Variants in WWOX observed in about 807,000 individuals in gnomAD.
WWOX encodes the protein WW domain-containing oxidoreductase.
WWOX carries 69 observed loss-of-function variants against 46.2 expected under a neutral mutation model. The observed-to-expected ratio is 1.49, with a 90% CI of 1.23 to 1.82. The LOEUF (loss-of-function observed/expected upper bound fraction) is 1.82. Among genes scored for constraint, WWOX ranks in the 40% most tolerant of loss-of-function variants. The pLI is 0.00. For synonymous variants in WWOX, 359 were observed against 202.6 expected (o/e 1.77, Z -6.56); for missense variants, 919 against 542.6 (o/e 1.69, Z -6.89).
chr16:78,563,685 TAA>T (rs2044495105), intron 8 of WWOX, among the ~76,000 whole-genome samples: 3 of 152,290 alleles, frequency 2.0e-5, no homozygotes, highest in Admixed American at 6.5e-5. Context: ...TCTGATTCAT[TAA>T]TATCCCTTGT....
intron 8 of WWOX, among the ~76,000 whole-genome samples, chr16:78,681,126 G>A (rs544152318): frequency 1.3e-5 from 2 of 152,224 alleles, no homozygotes; most frequent in African/African-American, 2.4e-5. Flanking sequence ...GCGCATGCCT[G>A]TAGTCCCAGC....
intron 5 of WWOX, among the ~76,000 whole-genome samples, chr16:78,269,895 CAT>C (rs1229298141): frequency 6.9e-6 from 1 of 144,920 alleles, no homozygotes; most frequent in African/African-American, 2.6e-5. Flanking sequence ...TGTCAGGAAA[CAT>C]ATCTATACAT....
At chr16:78,141,013 G>C (rs187347174) in intron 4 of WWOX, among the ~76,000 whole-genome samples, 1 of 152,140 alleles carries the variant, frequency 6.6e-6, no homozygotes, top group Non-Finnish European at 1.5e-5. Flanking sequence ...TCCTGCCTAC[G>C]TGCAGCTTAC....
chr16:79,056,484 A>G (rs557649425), intron 8 of WWOX, among the ~76,000 whole-genome samples: 2 of 152,270 alleles, frequency 1.3e-5, no homozygotes, highest in Admixed American at 6.5e-5. Context: ...AAGGCATTAT[A>G]AGCTTATTCA....
chr16:78,896,420 A>G (rs1244493902), intron 8 of WWOX: 6 of 152,140 alleles, frequency 3.9e-5, no homozygotes, highest in South Asian at 4.1e-4. Context: ...CGTGTATTCT[A>G]CATCCGTTAG....
At chr16:78,914,242 A>G (rs892250463) in intron 8 of WWOX, among the ~76,000 whole-genome samples, 6 of 150,110 alleles carry the variant, frequency 4.0e-5, no homozygotes, top group African/African-American at 1.5e-4. Flanking sequence ...CCGTCTATTC[A>G]TTCATTCATT....
At chr16:78,705,925 C>T (rs982649180) in intron 8 of WWOX, among the ~76,000 whole-genome samples, 53 of 152,246 alleles carry the variant, frequency 3.5e-4, no homozygotes, top group African/African-American at 1.2e-3. Context: ...TGTTTATTTA[C>T]ACACTAAGGA....
chr16:79,032,927 A>T (rs1223119401), intron 8 of WWOX, among the ~76,000 whole-genome samples: 3 of 150,694 alleles, frequency 2.0e-5, no homozygotes, highest in Non-Finnish European at 3.0e-5. Context: ...GCCACCCTCC[A>T]CCCTTTGGTA....
intron 8 of WWOX, among the ~76,000 whole-genome samples, chr16:78,932,139 A>T (rs2045636777): frequency 6.6e-6 from 1 of 152,226 alleles, no homozygotes; most frequent in African/African-American, 2.4e-5. Context: ...GAACAAACTA[A>T]TACACCACTT....
At chr16:78,473,028 T>G (rs1351408982) in intron 8 of WWOX, among the ~76,000 whole-genome samples, 1 of 152,150 alleles carries the variant, frequency 6.6e-6, no homozygotes, top group Non-Finnish European at 1.5e-5. Flanking sequence ...TGAAAAAATA[T>G]GAAAGGAAAA....
chr16:78,111,022 A>G (rs928087313), intron 3 of WWOX, among the ~76,000 whole-genome samples: 1 of 151,474 alleles, frequency 6.6e-6, no homozygotes, highest in African/African-American at 2.4e-5. Flanking sequence ...TTTTTTTTTA[A>G]AGTTATGAAT....
intron 8 of WWOX, among the ~76,000 whole-genome samples, chr16:79,013,108 G>T (rs1219241288): frequency 6.6e-6 from 1 of 152,176 alleles, no homozygotes; most frequent in Non-Finnish European, 1.5e-5. Flanking sequence ...GGAAGTTGGT[G>T]GTCCTCCAGA....
chr16:79,083,652 A>T (rs531141294), intron 8 of WWOX, among the ~76,000 whole-genome samples: 66 of 152,324 alleles, frequency 4.3e-4, no homozygotes, highest in African/African-American at 1.5e-3. Flanking sequence ...TCGAAGGAAA[A>T]CAAAGACAAT....
intron 8 of WWOX, among the ~76,000 whole-genome samples, chr16:78,807,464 A>C (rs1178046019): frequency 6.6e-6 from 1 of 152,320 alleles, no homozygotes; most frequent in East Asian, 1.9e-4. Flanking sequence ...GAGGCCATGT[A>C]AAAAAATGAC....
intron 8 of WWOX, among the ~76,000 whole-genome samples, chr16:79,055,514 T>C (rs1290591306): frequency 2.0e-5 from 3 of 152,126 alleles, no homozygotes; most frequent in Admixed American, 2.0e-4. Context: ...CCTCCATCCA[T>C]TGGAAGTCAT....
rs113942068 is a variant in WWOX, at chr16:78,868,994, G to T, written c.1057-342614G>T. On this transcript the variant is annotated intron_variant, in intron 8 of 8. Transcript: ENST00000566780. ...ACACACACACACATGCATGCGATCTGTAAAAAGTCACAAAGGCCAAAGTTT... is the reference window on the plus strand; with the variant it reads ...ACACACACACACATGCATGCGATCTTTAAAAAGTCACAAAGGCCAAAGTTT... 9.6e-3 allele frequency among the ~76,000 whole-genome samples: 1,456 copies of T among 152,136 alleles called. 19 individuals carry two copies. The highest frequency in any genetic ancestry group is 0.033 in the African/African-American group (1,373 of 41,508).
chr16:78,152,056 G>A (rs532481022), intron 4 of WWOX, among the ~76,000 whole-genome samples: 14 of 152,276 alleles, frequency 9.2e-5, no homozygotes, highest in Admixed American at 2.6e-4. Flanking sequence ...CGGGTGTGGT[G>A]GCGGGCGCCT....
intron 8 of WWOX, among the ~76,000 whole-genome samples, chr16:78,593,379 T>C (rs2045397207): frequency 6.6e-6 from 1 of 152,190 alleles, no homozygotes; most frequent in Non-Finnish European, 1.5e-5. Flanking sequence ...GACAGTTTTG[T>C]CTGCCCAGCA....
intron 8 of WWOX, among the ~76,000 whole-genome samples, chr16:78,838,577 C>T (rs1443388546): frequency 6.6e-6 from 1 of 152,178 alleles, no homozygotes; most frequent in Non-Finnish European, 1.5e-5. Context: ...CACGGTGGCT[C>T]ACTCCTGTAA....
Sources: allele counts gnomAD v4.1 joint callset (sites outside exome capture counted in the v4.1 genomes callset), GRCh38; gene constraint gnomAD v4.1.1; transcripts MANE v1.5; gene names NCBI Gene and HGNC (gene_info 2026-07-23, HGNC 2026-07-21).